TBC1D1: variants seen among roughly 807,000 people sequenced by gnomAD.
TBC1D1 encodes the protein TBC1 domain family member 1.
Under a neutral mutation model 125.6 loss-of-function variants are expected in TBC1D1, and 89 were observed. The ratio of observed to expected loss-of-function variants is 0.71; its 90% CI spans 0.60 to 0.85. The LOEUF (loss-of-function observed/expected upper bound fraction) is 0.85, where lower values mean the gene tolerates loss of function less well. Among genes scored for constraint, TBC1D1 ranks in the 40% least tolerant of loss-of-function variants. The probability of loss-of-function intolerance (pLI) is 0.00; values close to 1 mark genes in which losing one functional copy is unlikely to be tolerated. For synonymous variants in TBC1D1, 565 were observed against 564.1 expected (o/e 1.00, Z -0.02); for missense variants, 1,377 against 1,469.2 (o/e 0.94, Z 1.03).
chr4:38,102,269 C>G (rs1346091983), intron 14 of TBC1D1, among the ~76,000 whole-genome samples: 1 of 151,912 alleles, frequency 6.6e-6, no homozygotes, highest in East Asian at 1.9e-4. Flanking sequence ...AAGAAATGAG[C>G]CAGCTTCTCT....
chr4:38,050,177 G>A (rs1347159149), intron 11 of TBC1D1, among the ~76,000 whole-genome samples: 2 of 152,208 alleles, frequency 1.3e-5, no homozygotes, highest in Non-Finnish European at 2.9e-5. Flanking sequence ...GTTGTTGACT[G>A]TGGAACTTTG....
intron 8 of TBC1D1, among the ~76,000 whole-genome samples, chr4:38,039,104 CTTTTTTTTTTT>C (rs776941680): frequency 2.3e-3 from 117 of 51,554 alleles, no homozygotes; most frequent in African/African-American, 4.2e-3. Context: ...GCATCATACT[CTTTTTTTTTTT>C]TTTTTTTTTT....
chr4:37,932,817 G>A (rs1388281076), intron 2 of TBC1D1, among the ~76,000 whole-genome samples: 2 of 152,116 alleles, frequency 1.3e-5, no homozygotes, highest in East Asian at 3.8e-4. Flanking sequence ...TAGCACTTTG[G>A]GAAGCTGAAG....
At chr4:37,914,287 C>G (rs1719243571) in intron 2 of TBC1D1, among the ~76,000 whole-genome samples, 2 of 152,208 alleles carry the variant, frequency 1.3e-5, no homozygotes, top group Admixed American at 1.3e-4. Context: ...AACTACACAT[C>G]TCAAACTCAA....
chr4:37,984,734 T>G (rs1455323510), intron 2 of TBC1D1, among the ~76,000 whole-genome samples: 1 of 151,562 alleles, frequency 6.6e-6, no homozygotes, highest in African/African-American at 2.4e-5. Context: ...TCCCAGCTAC[T>G]TGGGAGGCTG....
chr4:38,001,357 G>A (rs955966506), intron 2 of TBC1D1, among the ~76,000 whole-genome samples: 1 of 152,180 alleles, frequency 6.6e-6, no homozygotes, highest in African/African-American at 2.4e-5. Context: ...GCAACACCTC[G>A]ATAAGTTCAT....
At chr4:37,923,690 T>C (rs1327952345) in intron 2 of TBC1D1, among the ~76,000 whole-genome samples, 1 of 150,942 alleles carries the variant, frequency 6.6e-6, no homozygotes, top group East Asian at 2.0e-4. Context: ...TTTTTTTTTT[T>C]TTTTTTTGAG....
intron 11 of TBC1D1, among the ~76,000 whole-genome samples, chr4:38,051,180 C>A (rs1750469695): frequency 6.6e-6 from 1 of 152,188 alleles, no homozygotes; most frequent in Admixed American, 6.5e-5. Flanking sequence ...AGTATCAGTA[C>A]TTTTCCTTTC....
intron 2 of TBC1D1, among the ~76,000 whole-genome samples, chr4:37,919,340 G>GC (rs71658746): frequency 1.4e-5 from 2 of 140,894 alleles, no homozygotes; most frequent in Admixed American, 1.5e-4. Context: ...GTTTGTTTTT[G>GC]TTTTTTTTTT....
At chr4:38,005,242 T>C (rs1447070793) in intron 2 of TBC1D1, among the ~76,000 whole-genome samples, 1 of 152,190 alleles carries the variant, frequency 6.6e-6, no homozygotes, top group Non-Finnish European at 1.5e-5. Context: ...AGCAAGAGGA[T>C]AGGGAAGGGA....
intron 6 of TBC1D1, 58 bp from the exon 7 acceptor site, chr4:38,027,730 C>T: frequency 8.2e-6 from 9 of 1,101,678 alleles, no homozygotes; most frequent in Non-Finnish European, 1.2e-5. Context: ...GAGGTTAACT[C>T]CCTATCTCAC....
chr4:38,118,155 C>G lies in TBC1D1; in HGVS notation c.2925C>G (p.Ala975=), dbSNP rs770357015. 2.5e-6 allele frequency: 4 copies of G among 1,614,118 alleles called. No homozygotes were observed. In the African/African-American group the frequency reaches 4.0e-5, roughly 16 times the overall value. Residue 975 remains alanine (A), a synonymous_variant, in exon 17 of 20, where the codon GCC becomes GCG. Transcript: ENST00000261439. The stretch of plus-strand genomic sequence containing the variant: ...CCCCCTGGTTCCTCACCATGTTTGC[C>G]TCACAGTTCCCGCTGGGATTCGTAG...
At chr4:37,972,631 C>A (rs751112761) in intron 2 of TBC1D1, among the ~76,000 whole-genome samples, 1 of 151,076 alleles carries the variant, frequency 6.6e-6, no homozygotes, top group African/African-American at 2.4e-5. Context: ...ATAGGCCAGG[C>A]GCAGTGGCTC....
intron 12 of TBC1D1, 85 bp from the exon 15 acceptor site, chr4:38,089,847 A>G (rs1758129520): frequency 7.5e-7 from 1 of 1,328,034 alleles, no homozygotes; most frequent in East Asian, 2.4e-5. Context: ...ATCTGAATGA[A>G]CAGAATTTGC....
chr4:37,903,392 G>T (rs1034496085), intron 2 of TBC1D1, among the ~76,000 whole-genome samples: 2 of 152,166 alleles, frequency 1.3e-5, no homozygotes, highest in Non-Finnish European at 2.9e-5. Context: ...GTTGGGCTCA[G>T]GGCTCCACAG....
At chr4:38,004,625 C>T (rs557756990) in intron 2 of TBC1D1, among the ~76,000 whole-genome samples, 1 of 151,864 alleles carries the variant, frequency 6.6e-6, no homozygotes, top group Non-Finnish European at 1.5e-5. Flanking sequence ...TGAAATATGC[C>T]CTCGATGATA....
At chr4:37,971,423 C>T (rs191616867) in intron 2 of TBC1D1, among the ~76,000 whole-genome samples, 14 of 152,048 alleles carry the variant, frequency 9.2e-5, no homozygotes, top group Admixed American at 2.6e-4. Flanking sequence ...AATTGAGAGC[C>T]GAACAAAAAG....
chr4:38,059,424 C>G (rs189503999), intron 12 of TBC1D1, among the ~76,000 whole-genome samples: 1 of 152,310 alleles, frequency 6.6e-6, no homozygotes, highest in East Asian at 1.9e-4. Flanking sequence ...GGAGACTTGG[C>G]AAGGCAAATG....
At chr4:38,085,546 A>G (rs990136098) in intron 12 of TBC1D1, among the ~76,000 whole-genome samples, 1 of 152,076 alleles carries the variant, frequency 6.6e-6, no homozygotes, top group African/African-American at 2.4e-5. Flanking sequence ...TGTTTTCCCA[A>G]GAGGCACCAA....
Sources: allele counts gnomAD v4.1 joint callset (sites outside exome capture counted in the v4.1 genomes callset), GRCh38; gene constraint gnomAD v4.1.1; transcripts MANE v1.5; gene names NCBI Gene and HGNC (gene_info 2026-07-23, HGNC 2026-07-21).